DPP6: variants seen among roughly 807,000 people sequenced by gnomAD.
The protein encoded by DPP6 is A-type potassium channel modulatory protein DPP6.
DPP6 carries 69 observed loss-of-function variants against 122.6 expected under a neutral mutation model. The ratio of observed to expected loss-of-function variants is 0.56; its 90% CI spans 0.46 to 0.69. The LOEUF is 0.69. DPP6 is among the 30% of genes least tolerant of loss of function. The pLI is 0.00. For missense variants in DPP6, 928 were observed against 1,116.9 expected (o/e 0.83, Z 2.41); for synonymous variants, 418 against 433.1 (o/e 0.97, Z 0.43).
At chr7:154,419,524 G>C (rs187779630) in intron 1 of DPP6, among the ~76,000 whole-genome samples, 1 of 152,146 alleles carries the variant, frequency 6.6e-6, no homozygotes, top group East Asian at 1.9e-4. Flanking sequence ...TTGCATTTGC[G>C]GGGAGAGGCG....
intron 1 of DPP6, among the ~76,000 whole-genome samples, chr7:154,272,583 C>T (rs1803865944): frequency 6.6e-6 from 1 of 152,162 alleles, no homozygotes; most frequent in Non-Finnish European, 1.5e-5. Context: ...TCAAGAATTT[C>T]ACTGAATGAG....
At chr7:154,472,462 ATCCC>A (rs1386416638) in intron 2 of DPP6, among the ~76,000 whole-genome samples, 9 of 139,844 alleles carry the variant, frequency 6.4e-5, no homozygotes, top group Middle Eastern at 3.7e-3. Flanking sequence ...CCTGGAATCA[ATCCC>A]TCCCACTTTC....
At position 153,938,916 on chromosome 7, in the gene DPP6, C is replaced by T. The variant is rs112175615; in HGVS notation, c.51+51182C>T. 3.4e-3 allele frequency among the ~76,000 whole-genome samples: 516 copies of T among 152,244 alleles called. 6 individuals carry two copies. Among genetic ancestry groups the T allele is most frequent in the Middle Eastern group, 0.014 (4 of 294 alleles). ...CTCATTTTGCCTGATCAAATCGTTTCATTAAAAATTCTTAAGCTGTAGACA... is the reference window on the plus strand; with the variant it reads ...CTCATTTTGCCTGATCAAATCGTTTTATTAAAAATTCTTAAGCTGTAGACA... On this transcript the variant is annotated intron_variant, in intron 1 of 25. Coordinates refer to the DPP6 transcript ENST00000404039.
intron 9 of DPP6, among the ~76,000 whole-genome samples, chr7:154,771,565 C>T (rs1185616824): frequency 1.3e-5 from 2 of 152,292 alleles, no homozygotes; most frequent in Admixed American, 6.5e-5. Flanking sequence ...AGGGCTGCAC[C>T]GTATGAATTG....
chr7:154,655,899 C>A (rs1319007568), intron 6 of DPP6, among the ~76,000 whole-genome samples: 1 of 152,076 alleles, frequency 6.6e-6, no homozygotes, highest in African/African-American at 2.4e-5. Flanking sequence ...GCTACCTGGC[C>A]CTGAGCAAGT....
intron 1 of DPP6, among the ~76,000 whole-genome samples, chr7:153,983,728 A>T (rs1276501066): frequency 6.6e-6 from 1 of 151,940 alleles, no homozygotes; most frequent in Non-Finnish European, 1.5e-5. Context: ...CCGTGGGAAA[A>T]GCCTAGTATT....
At chr7:154,680,573 A>G (rs562936315) in intron 7 of DPP6, among the ~76,000 whole-genome samples, 8 of 152,362 alleles carry the variant, frequency 5.3e-5, no homozygotes, top group Middle Eastern at 6.8e-3. Context: ...GTATGTTGGC[A>G]TATGGAAAGG....
chr7:154,282,015 T>G lies in DPP6; in HGVS notation c.244-164199T>G, dbSNP rs948571898. ...GTCTTTGTGACTCTAGCTTAGTGACTTAACCTTTCAACACCTCTGTTTCCT... is the reference window on the plus strand; with the variant it reads ...GTCTTTGTGACTCTAGCTTAGTGACGTAACCTTTCAACACCTCTGTTTCCT... On this transcript the variant is annotated intron_variant, in intron 1 of 25. Coordinates refer to ENST00000377770, the MANE Select transcript of DPP6 (RefSeq NM_130797.4). This position sits in a 1 kb window ranked among gnomAD's most constrained non-coding sequence, Gnocchi z 4.8. Among the ~76,000 whole-genome samples, 7 of 152,138 alleles carry G rather than the reference T, an allele frequency of 4.6e-5. No homozygotes were observed. Among genetic ancestry groups the G allele is most frequent in the African/African-American group, 1.7e-4 (7 of 41,428 alleles).
Position 153,992,636 on chromosome 7 carries a change from T to C in DPP6, c.51+104902T>C, listed in dbSNP as rs199498294. On this transcript the variant is annotated intron_variant, in intron 1 of 25. Coordinates refer to the DPP6 transcript ENST00000404039. The stretch of plus-strand genomic sequence containing the variant: ...ACTATGGAGAGCCCAGGCCTAATCA[T>C]GTCAATTCCAGGCTATCAGATGTTC... Among the ~76,000 whole-genome samples the C allele has an allele frequency of 7.9e-4, 120 of 152,368 alleles. No individual in the cohort carries two copies. The East Asian group carries it at 0.016, about 21-fold the overall frequency.
intron 1 of DPP6, among the ~76,000 whole-genome samples, chr7:154,226,073 C>T (rs1021228528): frequency 3.3e-5 from 5 of 152,078 alleles, no homozygotes; most frequent in Admixed American, 2.0e-4. Context: ...CCTGATGACA[C>T]GATGCTGAAC....
chr7:153,953,913 G>A (rs920276540), intron 1 of DPP6, among the ~76,000 whole-genome samples: 10 of 152,316 alleles, frequency 6.6e-5, no homozygotes, highest in Admixed American at 2.6e-4. Context: ...CTGGCAGGAG[G>A]GAAATGCAGG....
chr7:154,552,328 T>C (rs1248715201), intron 4 of DPP6, among the ~76,000 whole-genome samples: 1 of 152,174 alleles, frequency 6.6e-6, no homozygotes, highest in East Asian at 1.9e-4. Flanking sequence ...TACTTTACCT[T>C]GCCCTAAAAT....
intron 23 of DPP6, among the ~76,000 whole-genome samples, chr7:154,888,289 G>A (rs535928964): frequency 3.3e-5 from 5 of 152,078 alleles, no homozygotes; most frequent in African/African-American, 1.2e-4. Flanking sequence ...GGGTTTCACC[G>A]TGTTGGTCAG....
chr7:154,060,315 A>AC (rs1458898489), intron 1 of DPP6, among the ~76,000 whole-genome samples: 6 of 119,478 alleles, frequency 5.0e-5, no homozygotes, highest in African/African-American at 1.7e-4. Context: ...GGCTCTTAGG[A>AC]CCCCCATCGC....
the DPP6 span, among the ~76,000 whole-genome samples, chr7:153,785,948 T>C: frequency 6.6e-6 from 1 of 151,878 alleles, no homozygotes; most frequent in Non-Finnish European, 1.5e-5. Context: ...TTTCTTCTAA[T>C]GGAAATAAAT....
At chr7:154,191,900 C>T (rs1234361725) in intron 1 of DPP6, among the ~76,000 whole-genome samples, 1 of 152,120 alleles carries the variant, frequency 6.6e-6, no homozygotes, top group Non-Finnish European at 1.5e-5. Context: ...TGTTATTCTC[C>T]TTTGAATTTA....
In DPP6 at chr7:154,889,299, G is replaced by A. The variant is rs188276022; in HGVS notation, c.2332G>A (p.Ala778Thr). ...EMTKVAHRVS[A>T]LEEQQFLIIH... ...GACCAAGGTAGCCCATCGAGTCTCC[G>A]CGCTGGAAGAACAGCAGTTCCTGAT... Residue 778 changes from alanine (A) to threonine (T), a missense_variant, in exon 24 of 26, where the codon GCG (alanine) becomes ACG (threonine). Transcript: ENST00000377770. 2,800 of 1,612,960 alleles carry A rather than the reference G, an allele frequency of 1.7e-3. 14 individuals carry two copies. Among genetic ancestry groups the A allele is most frequent in the Non-Finnish European group, 2.0e-3 (2,350 of 1,179,708 alleles).
chr7:153,903,486 C>G (rs1382360929), intron 1 of DPP6, among the ~76,000 whole-genome samples: 3 of 152,180 alleles, frequency 2.0e-5, no homozygotes, highest in Non-Finnish European at 1.5e-5. Flanking sequence ...GAAAACTGCC[C>G]AGGGTCACCT....
At chr7:154,389,946 T>A (rs1814466427) in intron 1 of DPP6, among the ~76,000 whole-genome samples, 2 of 152,366 alleles carry the variant, frequency 1.3e-5, no homozygotes, top group Middle Eastern at 3.4e-3. Flanking sequence ...TTACTACAAA[T>A]ATGCGGGTTT....
Sources: gnomAD v4.1 joint callset for allele counts (sites outside exome capture counted in the v4.1 genomes callset) on GRCh38, gnomAD v4.1.1 for gene constraint, Gnocchi (gnomAD v3.1) non-coding constraint, MANE v1.5 for transcripts, NCBI Gene and HGNC (gene_info 2026-07-23, HGNC 2026-07-21) for gene names.